The following RNGTT variants were observed in gnomAD, a reference collection of about 807,000 sequenced individuals.
RNGTT encodes the protein RNA guanylyltransferase and 5'-phosphatase, also known as mRNA-capping enzyme.
Under a neutral mutation model 79.3 loss-of-function variants are expected in RNGTT, and 33 were observed. The ratio of observed to expected loss-of-function variants is 0.42; its 90% CI spans 0.32 to 0.56. The LOEUF is 0.56. Ranked by LOEUF, RNGTT falls within the 20% of genes least tolerant of loss-of-function variation. RNGTT has a pLI of 0.17. For synonymous variants in RNGTT, 222 were observed against 235.9 expected, an observed-to-expected ratio of 0.94 and a Z score of 0.54; for missense variants, 497 against 739.1, an observed-to-expected ratio of 0.67 and a Z score of 3.80.
chr6:88,766,494 G>T lies in RNGTT; in HGVS notation c.1439+3280C>A, dbSNP rs181129378. On this transcript the variant is annotated intron_variant, in intron 13 of 15. Coordinates refer to ENST00000369485, the MANE Select transcript of RNGTT (RefSeq NM_003800.5). The stretch of plus-strand genomic sequence containing the variant: ...TATAAAACTCAACACAATATAAATT[G>T]CTAAGATATACAAAAGTTATATTAG... 4.0e-3 allele frequency among the ~76,000 whole-genome samples: 609 copies of T among 152,124 alleles called. 3 individuals carry two copies. Among genetic ancestry groups the T allele is most frequent in the Admixed American group, 5.9e-3 (90 of 15,292 alleles).
chr6:88,736,806 T>C (rs1385538559), intron 13 of RNGTT, among the ~76,000 whole-genome samples: 3 of 152,208 alleles, frequency 2.0e-5, no homozygotes, highest in Non-Finnish European at 4.4e-5. Flanking sequence ...TCATGGATTC[T>C]ACAAGATGGA....
intron 13 of RNGTT, among the ~76,000 whole-genome samples, chr6:88,723,505 T>C (rs1345999697): frequency 6.6e-6 from 1 of 151,974 alleles, no homozygotes; most frequent in Non-Finnish European, 1.5e-5. Context: ...CTCTAATAAA[T>C]CTACCTTTCT....
chr6:88,715,640 A>G (rs1776483928), intron 13 of RNGTT, among the ~76,000 whole-genome samples: 1 of 152,208 alleles, frequency 6.6e-6, no homozygotes, highest in Non-Finnish European at 1.5e-5. Flanking sequence ...GGAACACAAC[A>G]GAGCCCTCAG....
intron 4 of RNGTT, among the ~76,000 whole-genome samples, chr6:88,916,009 G>C (rs181444307): frequency 3.3e-5 from 5 of 152,288 alleles, no homozygotes; most frequent in African/African-American, 1.2e-4. Flanking sequence ...AAGCACATAA[G>C]TTGCTTAACA....
intron 14 of RNGTT, among the ~76,000 whole-genome samples, chr6:88,652,023 CA>C (rs1305822150): frequency 6.6e-6 from 1 of 152,026 alleles, no homozygotes. Flanking sequence ...TAAATCTCAG[CA>C]AAAAACTTAA....
rs562843117 is a variant in RNGTT, at chr6:88,766,829, T to C, written c.1439+2945A>G. ...TCCATTTTAGGCTTTGTAGAAATAT[T>C]TGGAAGTACAATCAAAGATATGAGC... On this transcript the variant is annotated intron_variant, in intron 13 of 15. Coordinates refer to ENST00000369485, the MANE Select transcript of RNGTT (RefSeq NM_003800.5). Among the ~76,000 whole-genome samples, 5 of 152,102 alleles carry C rather than the reference T, an allele frequency of 3.3e-5. No individual in the cohort carries two copies. The South Asian group carries it at 1.0e-3, about 32-fold the overall frequency.
At chr6:88,864,231 C>T (rs186347832) in intron 8 of RNGTT, among the ~76,000 whole-genome samples, 1 of 152,108 alleles carries the variant, frequency 6.6e-6, no homozygotes, top group Non-Finnish European at 1.5e-5. Flanking sequence ...TAAATGATCA[C>T]ATCATGGTGA....
chr6:88,952,255 G>A (rs1785276333), intron 1 of RNGTT, among the ~76,000 whole-genome samples: 1 of 152,104 alleles, frequency 6.6e-6, no homozygotes, highest in Non-Finnish European at 1.5e-5. Context: ...CCCTACAGTG[G>A]CTACAGCAAG....
chr6:88,760,419 G>C (rs1047044141), intron 13 of RNGTT, among the ~76,000 whole-genome samples: 5 of 152,190 alleles, frequency 3.3e-5, no homozygotes, highest in African/African-American at 1.2e-4. Context: ...GTTAACAGTA[G>C]TAACCATTCA....
chr6:88,955,443 A>G (rs1166882033), intron 1 of RNGTT, among the ~76,000 whole-genome samples: 1 of 150,282 alleles, frequency 6.7e-6, no homozygotes, highest in African/African-American at 2.4e-5. Context: ...CTAGCTGCTC[A>G]GGAGGCTGAG....
At chr6:88,616,327 T>C (rs906216818) in intron 14 of RNGTT, among the ~76,000 whole-genome samples, 1 of 152,210 alleles carries the variant, frequency 6.6e-6, no homozygotes. Context: ...TGTGAAAATA[T>C]CTCTTTGAGA....
intron 2 of RNGTT, among the ~76,000 whole-genome samples, chr6:88,931,386 T>G (rs1425051395): frequency 6.6e-6 from 1 of 152,094 alleles, no homozygotes; most frequent in Non-Finnish European, 1.5e-5. Context: ...AAGGATGTAT[T>G]AAAAAATCTA....
intron 8 of RNGTT, among the ~76,000 whole-genome samples, chr6:88,878,190 G>A (rs1782579926): frequency 6.6e-6 from 1 of 151,820 alleles, no homozygotes; most frequent in African/African-American, 2.4e-5. Flanking sequence ...CCGCCTCCCG[G>A]GTCCAAACGT....
chr6:88,908,325 C>T (rs1307761283), intron 4 of RNGTT, among the ~76,000 whole-genome samples: 1 of 152,116 alleles, frequency 6.6e-6, no homozygotes, highest in Non-Finnish European at 1.5e-5. Flanking sequence ...CTAGGCAAGA[C>T]GGCCAACTAC....
At chr6:88,663,909 G>C (rs897673867) in intron 14 of RNGTT, among the ~76,000 whole-genome samples, 3 of 152,154 alleles carry the variant, frequency 2.0e-5, no homozygotes, top group African/African-American at 7.2e-5. Flanking sequence ...ATCCTATACA[G>C]AAAAGCTGCA....
chr6:88,754,242 T>C (rs1777934034), intron 13 of RNGTT, among the ~76,000 whole-genome samples: 1 of 152,080 alleles, frequency 6.6e-6, no homozygotes, highest in Non-Finnish European at 1.5e-5. Flanking sequence ...GGGGAAATGA[T>C]TGAGAAGACC....
intron 8 of RNGTT, among the ~76,000 whole-genome samples, chr6:88,884,850 A>C (rs1272871781): frequency 1.3e-5 from 2 of 152,214 alleles, no homozygotes; most frequent in Non-Finnish European, 2.9e-5. Context: ...CTCTATTCAA[A>C]TGGATTTCTC....
chr6:88,852,642 C>T (rs1781711233), intron 9 of RNGTT, among the ~76,000 whole-genome samples: 1 of 151,892 alleles, frequency 6.6e-6, no homozygotes, highest in Non-Finnish European at 1.5e-5. Flanking sequence ...TTACTAGATA[C>T]AGGAAAAAAT....
At chr6:88,738,565 G>C (rs554980345) in intron 13 of RNGTT, among the ~76,000 whole-genome samples, 1 of 152,292 alleles carries the variant, frequency 6.6e-6, no homozygotes, top group Admixed American at 6.5e-5. Context: ...AGAATCTCTT[G>C]AACCTGGCAG....
Sources: allele counts gnomAD v4.1 joint callset (sites outside exome capture counted in the v4.1 genomes callset), GRCh38; gene constraint gnomAD v4.1.1; transcripts MANE v1.5; gene names NCBI Gene and HGNC (gene_info 2026-07-23, HGNC 2026-07-21).